Variants in KCTD16 observed in about 807,000 individuals in gnomAD.
KCTD16 encodes the protein potassium channel tetramerization domain containing 16.
A neutral mutation model predicts 33.2 loss-of-function variants in KCTD16; 13 were observed. The ratio of observed to expected loss-of-function variants is 0.39; its 90% confidence interval spans 0.25 to 0.62. The LOEUF (loss-of-function observed/expected upper bound fraction) is 0.62, where lower values mean the gene tolerates loss of function less well. Among genes scored for constraint, KCTD16 ranks in the 20% least tolerant of loss-of-function variants. KCTD16 has a pLI of 0.50. For synonymous variants in KCTD16, 197 were observed against 195.3 expected (o/e 1.01, Z -0.07); for missense variants, 441 against 525.1 (o/e 0.84, Z 1.57).
rs1263627788 is a variant in KCTD16 at position 144,481,661 on chromosome 5, T to A, written c.*7547T>A. 2 of 151,956 alleles carry A rather than the reference T, an allele frequency of 1.3e-5. No homozygotes were observed. Among genetic ancestry groups the A allele is most frequent in the East Asian group, 3.9e-4 (2 of 5,158 alleles). The allele number at this position is 151,956 out of a possible 1,614,324, so 9.4% of individuals were successfully genotyped here. ...GACCCAGAAAGTTTAAATCGGTCATTTATTTGTTTGTTTATGCATATATCC... is the reference window on the plus strand; with the variant it reads ...GACCCAGAAAGTTTAAATCGGTCATATATTTGTTTGTTTATGCATATATCC... On this transcript the variant is annotated 3_prime_UTR_variant, in exon 4 of 4. Coordinates refer to ENST00000512467, the MANE Select transcript of KCTD16 (RefSeq NM_020768.4).
At chr5:144,322,015 A>T (rs1752084663) in intron 3 of KCTD16, among the ~76,000 whole-genome samples, 1 of 152,182 alleles carries the variant, frequency 6.6e-6, no homozygotes, top group Non-Finnish European at 1.5e-5. Context: ...ATCAAAATAA[A>T]GTATTTGCTA....
intron 3 of KCTD16, among the ~76,000 whole-genome samples, chr5:144,277,125 A>G (rs919388952): frequency 2.0e-5 from 3 of 151,980 alleles, no homozygotes; most frequent in African/African-American, 7.2e-5. Flanking sequence ...CTCACTATCT[A>G]TTTTTCCCTT....
chr5:144,370,404 T>C (rs1225840444), intron 3 of KCTD16, among the ~76,000 whole-genome samples: 3 of 152,228 alleles, frequency 2.0e-5, no homozygotes, highest in Non-Finnish European at 4.4e-5. Context: ...AAAATAGCTT[T>C]GCCTGAAAGC....
intron 3 of KCTD16, among the ~76,000 whole-genome samples, chr5:144,270,826 G>A (rs978433124): frequency 6.6e-6 from 1 of 151,734 alleles, no homozygotes; most frequent in Non-Finnish European, 1.5e-5. Context: ...AATCAGAAAT[G>A]AAAGTGATGA....
At chr5:144,210,135 T>C (rs1580790219) in intron 3 of KCTD16, among the ~76,000 whole-genome samples, 1 of 151,828 alleles carries the variant, frequency 6.6e-6, no homozygotes, top group South Asian at 2.1e-4. Context: ...CCAAGAAAAA[T>C]TGGGGAGACC....
At chr5:144,281,076 G>C (rs920829136) in intron 3 of KCTD16, among the ~76,000 whole-genome samples, 1 of 149,674 alleles carries the variant, frequency 6.7e-6, no homozygotes, top group African/African-American at 2.5e-5. Flanking sequence ...CAGCTACTCG[G>C]GAGGCTGAAG....
chr5:144,350,460 AG>A (rs996350752), intron 3 of KCTD16, among the ~76,000 whole-genome samples: 1 of 152,212 alleles, frequency 6.6e-6, no homozygotes, highest in African/African-American at 2.4e-5. Context: ...AATTTTTTAC[AG>A]AAAAGAAGTC....
chr5:144,370,618 T>C (rs1366545246), intron 3 of KCTD16, among the ~76,000 whole-genome samples: 1 of 152,178 alleles, frequency 6.6e-6, no homozygotes, highest in East Asian at 1.9e-4. Context: ...CCAAGGCACA[T>C]AGCAGTTGTT....
At chr5:144,282,828 C>T (rs749618794) in intron 3 of KCTD16, among the ~76,000 whole-genome samples, 6 of 152,078 alleles carry the variant, frequency 3.9e-5, no homozygotes, top group Non-Finnish European at 7.4e-5. Context: ...CACAGGGGCT[C>T]CTTTTTCCAG....
chr5:144,321,233 A>G (rs1752066214), intron 3 of KCTD16, among the ~76,000 whole-genome samples: 1 of 148,934 alleles, frequency 6.7e-6, no homozygotes, highest in South Asian at 2.1e-4. Context: ...TTAAAACTGT[A>G]AGGTTCTTTG....
At chr5:144,376,469 A>G (rs1250111826) in intron 3 of KCTD16, among the ~76,000 whole-genome samples, 1 of 152,178 alleles carries the variant, frequency 6.6e-6, no homozygotes, top group East Asian at 1.9e-4. Context: ...TCTGGATTCC[A>G]GGTATGAGTC....
chr5:144,187,209 CA>C (rs1752745251), intron 2 of KCTD16, among the ~76,000 whole-genome samples: 1 of 152,034 alleles, frequency 6.6e-6, no homozygotes, highest in Non-Finnish European at 1.5e-5. Context: ...TATTGCAAAC[CA>C]CTTATAACAA....
chr5:144,406,327 A>G (rs1752808481), intron 3 of KCTD16, among the ~76,000 whole-genome samples: 1 of 152,220 alleles, frequency 6.6e-6, no homozygotes, highest in Non-Finnish European at 1.5e-5. Flanking sequence ...TCTCAAATTT[A>G]TTGTGGCTGA....
intron 3 of KCTD16, among the ~76,000 whole-genome samples, chr5:144,312,960 G>A (rs187688197): frequency 3.9e-5 from 6 of 152,288 alleles, no homozygotes; most frequent in East Asian, 3.9e-4. Flanking sequence ...CTATATCTCC[G>A]CTAATCGCCT....
chr5:144,433,205 G>T (rs184859928), intron 3 of KCTD16, among the ~76,000 whole-genome samples: 1 of 152,114 alleles, frequency 6.6e-6, no homozygotes, highest in African/African-American at 2.4e-5. Context: ...TGGCTTTTTT[G>T]GCCACCTTCT....
intron 3 of KCTD16, among the ~76,000 whole-genome samples, chr5:144,390,817 G>T (rs1216597565): frequency 6.6e-6 from 1 of 152,048 alleles, no homozygotes; most frequent in Admixed American, 6.6e-5. Flanking sequence ...GAGAATGATG[G>T]TTTGCAGCTT....
intron 3 of KCTD16, among the ~76,000 whole-genome samples, chr5:144,304,064 C>T (rs1396432319): frequency 6.6e-6 from 1 of 152,018 alleles, no homozygotes; most frequent in Non-Finnish European, 1.5e-5. Context: ...TATACATTTT[C>T]TGGCTCTACA....
chr5:144,323,389 A>C (rs891636972), intron 3 of KCTD16, among the ~76,000 whole-genome samples: 2 of 152,192 alleles, frequency 1.3e-5, no homozygotes, highest in Admixed American at 1.3e-4. Flanking sequence ...ACACATGCCC[A>C]TGAGAGACAA....
chr5:144,453,423 A>T (rs545798963), intron 3 of KCTD16, among the ~76,000 whole-genome samples: 2 of 152,144 alleles, frequency 1.3e-5, no homozygotes, highest in South Asian at 4.1e-4. Context: ...TCTCCTTAAC[A>T]CTTTGATGTC....
Sources: gnomAD v4.1 joint callset for allele counts (sites outside exome capture counted in the v4.1 genomes callset) on GRCh38, gnomAD v4.1.1 for gene constraint, MANE v1.5 for transcripts, NCBI Gene and HGNC (gene_info 2026-07-23, HGNC 2026-07-21) for gene names.